Variants in PTP4A1 observed in about 807,000 individuals in gnomAD.
The protein encoded by PTP4A1 is protein tyrosine phosphatase 4A1.
A neutral mutation model predicts 20.5 loss-of-function variants in PTP4A1; 9 were observed. The ratio of observed to expected loss-of-function variants is 0.44; its 90% CI spans 0.26 to 0.77. The LOEUF (loss-of-function observed/expected upper bound fraction) is 0.77. Among genes scored for constraint, PTP4A1 ranks in the 30% least tolerant of loss-of-function variants. The pLI is 0.19. For missense variants in PTP4A1, 137 were observed against 218.8 expected, an observed-to-expected ratio of 0.63 and a Z score of 2.36; for synonymous variants, 78 against 67.4, an observed-to-expected ratio of 1.16 and a Z score of -0.77.
intron 1 of PTP4A1, among the ~76,000 whole-genome samples, chr6:63,526,833 A>ATATATATATATATT (rs1486980690): frequency 1.0e-4 from 13 of 128,030 alleles, no homozygotes; most frequent in South Asian, 4.6e-4. Context: ...ATATATATAT[A>ATATATATATATATT]TATTTATTTA....
In PTP4A1 at chr6:63,581,555, G is replaced by T. The variant is rs1390608757; in HGVS notation, c.*1381G>T. ...CTCATCTTTTTACAAATAAATGAAG[G>T]ATTATAAATGATGTCAGCATTTTAG... On this transcript the variant is annotated 3_prime_UTR_variant, in exon 6 of 6. Coordinates refer to ENST00000626021, the MANE Select transcript of PTP4A1 (RefSeq NM_003463.5). The T allele has an allele frequency of 6.6e-6, 1 of 152,156 alleles. No homozygotes were observed. The highest frequency in any genetic ancestry group is 2.4e-5 in the African/African-American group (1 of 41,412). The allele number at this position is 152,156 out of a possible 1,614,324, so 9.4% of individuals were successfully genotyped here. A position where few individuals can be genotyped will look rare whatever the true frequency, so the allele number is the denominator to read the frequency against.
intron 3 of PTP4A1, among the ~76,000 whole-genome samples, chr6:63,556,460 C>T (rs896105157): frequency 2.6e-5 from 4 of 152,120 alleles, no homozygotes; most frequent in Admixed American, 2.0e-4. Flanking sequence ...GGATTACAGG[C>T]ATGAGCCACT....
chr6:63,522,688 GA>G (rs1182099221), intron 1 of PTP4A1, among the ~76,000 whole-genome samples: 1 of 152,076 alleles, frequency 6.6e-6, no homozygotes, highest in African/African-American at 2.4e-5. Flanking sequence ...TGGACCTGGG[GA>G]TTCCTATTGC....
At chr6:63,520,303 C>T (rs1343035878), upstream of PTP4A1, among the ~76,000 whole-genome samples, 2 of 152,042 alleles carry the variant, frequency 1.3e-5, no homozygotes, top group Non-Finnish European at 2.9e-5. Context: ...ATTAACATTG[C>T]TAATGAATAG....
At chr6:63,579,652 C>A (rs1778093302) in intron 5 of PTP4A1, among the ~76,000 whole-genome samples, 1 of 152,070 alleles carries the variant, frequency 6.6e-6, no homozygotes, top group Non-Finnish European at 1.5e-5. Flanking sequence ...CCAAAGGAGA[C>A]CAGTTGACAA....
At chr6:63,555,102 C>G (rs1486619723) in intron 3 of PTP4A1, among the ~76,000 whole-genome samples, 1 of 152,144 alleles carries the variant, frequency 6.6e-6, no homozygotes, top group East Asian at 1.9e-4. Context: ...TCTTTCCACT[C>G]CCAAAACAAT....
chr6:63,561,596 G>C (rs997060631), intron 3 of PTP4A1, among the ~76,000 whole-genome samples: 9 of 151,984 alleles, frequency 5.9e-5, no homozygotes, highest in Non-Finnish European at 1.3e-4. Flanking sequence ...CACATTCCAG[G>C]GCACTTACAA....
In PTP4A1 at chr6:63,580,897, T is replaced by C. The variant is rs1175056066; in HGVS notation, c.*723T>C. The C allele has an allele frequency of 6.6e-6, 1 of 152,598 alleles. No homozygotes were observed. Among genetic ancestry groups the C allele is most frequent in the Non-Finnish European group, 1.5e-5 (1 of 68,012 alleles). 9.5% of individuals were successfully genotyped at this position (152,598 alleles called of 1,614,324 possible). On this transcript the variant is annotated 3_prime_UTR_variant, in exon 6 of 6. Transcript: ENST00000626021. ...CCTTACATTAATTTAATGTTTGCAC[T>C]CTGAGGTGCAACTTAACAGGGAGGG...
At chr6:63,548,280 AC>A (rs1776290467) in intron 2 of PTP4A1, among the ~76,000 whole-genome samples, 2 of 152,210 alleles carry the variant, frequency 1.3e-5, no homozygotes, top group African/African-American at 4.8e-5. Flanking sequence ...GTGTGACATA[AC>A]TTTTCTGTAC....
chr6:63,572,974 C>G (rs1338634565), intron 1 of PTP4A1, among the ~76,000 whole-genome samples: 1 of 152,134 alleles, frequency 6.6e-6, no homozygotes, highest in East Asian at 1.9e-4. Flanking sequence ...CTTTTGAGTC[C>G]CTCCCGAGCC....
rs577100750 is a variant in PTP4A1, at chr6:63,541,488, G to T, written c.-639-8812G>T. Among the ~76,000 whole-genome samples the T allele has an allele frequency of 9.2e-4, 140 of 152,174 alleles. 1 individual carries two copies. The highest frequency in any genetic ancestry group is 3.2e-3 in the African/African-American group (133 of 41,534). ...AAATCGCCTGAACCCCGGAGGCAGAGGTTGCAGTGAGCCAAGATCTCGCCA... is the reference window on the plus strand; with the variant it reads ...AAATCGCCTGAACCCCGGAGGCAGATGTTGCAGTGAGCCAAGATCTCGCCA... On this transcript the variant is annotated intron_variant, in intron 2 of 3. Transcript: ENST00000639568.
At chr6:63,572,285 G>A (rs897252109), upstream of PTP4A1, 1 of 196,738 alleles carries the variant, frequency 5.1e-6, no homozygotes, top group Non-Finnish European at 1.0e-5. Context: ...CCCCGCCCCG[G>A]GGATGCTCCG....
intron 1 of PTP4A1, among the ~76,000 whole-genome samples, chr6:63,523,253 T>TGAA (rs1202095606): frequency 6.6e-6 from 1 of 152,128 alleles, no homozygotes; most frequent in Non-Finnish European, 1.5e-5. Context: ...TATTTCACTA[T>TGAA]TATGTACTTT....
chr6:63,535,476 A>G (rs1440047449), intron 2 of PTP4A1, among the ~76,000 whole-genome samples: 1 of 152,216 alleles, frequency 6.6e-6, no homozygotes, highest in Non-Finnish European at 1.5e-5. Flanking sequence ...TTAAAAGAAA[A>G]AAAAAAGCAA....
chr6:63,558,809 G>A (rs1255579364), intron 3 of PTP4A1, among the ~76,000 whole-genome samples: 1 of 152,168 alleles, frequency 6.6e-6, no homozygotes, highest in Admixed American at 6.5e-5. Context: ...GGAGGCAGAG[G>A]AAGACAAGCC....
At chr6:63,565,493 A>T (rs913190042) in intron 3 of PTP4A1, among the ~76,000 whole-genome samples, 1 of 152,326 alleles carries the variant, frequency 6.6e-6, no homozygotes. Context: ...TTTACAGAGA[A>T]AATATTACCT....
intron 3 of PTP4A1, among the ~76,000 whole-genome samples, 169 bp from the exon 4 acceptor site, chr6:63,578,729 G>A (rs1041373537): frequency 6.6e-6 from 1 of 152,182 alleles, no homozygotes; most frequent in Non-Finnish European, 1.5e-5. Context: ...AAACATTTTT[G>A]TAAAGATTGA....
intron 3 of PTP4A1, among the ~76,000 whole-genome samples, chr6:63,552,439 T>C (rs913259696): frequency 6.6e-6 from 1 of 152,238 alleles, no homozygotes; most frequent in African/African-American, 2.4e-5. Context: ...TATTAGCCCT[T>C]TGTCAGATGA....
chr6:63,575,256 TGA>T (rs1374699107), intron 1 of PTP4A1, among the ~76,000 whole-genome samples: 2 of 152,164 alleles, frequency 1.3e-5, no homozygotes, highest in African/African-American at 2.4e-5. Flanking sequence ...ACTTTGGTAA[TGA>T]GAGTACACAT....
Sources: allele counts gnomAD v4.1 joint callset (sites outside exome capture counted in the v4.1 genomes callset), GRCh38; gene constraint gnomAD v4.1.1; transcripts MANE v1.5; gene names NCBI Gene and HGNC (gene_info 2026-07-23, HGNC 2026-07-21).